Variants in PRKD1 observed in about 807,000 individuals in gnomAD.
PRKD1 encodes the protein serine/threonine-protein kinase D1.
In PRKD1, 63 loss-of-function variants were observed where a neutral mutation model predicts 95.9. The observed-to-expected ratio is 0.66, with a 90% CI of 0.54 to 0.81. The LOEUF (loss-of-function observed/expected upper bound fraction) is 0.81. Ranked by LOEUF, PRKD1 falls within the 30% of genes least tolerant of loss-of-function variation. The pLI is 0.00. For missense variants in PRKD1, 1,048 were observed against 1,165.3 expected (o/e 0.90, Z 1.47); for synonymous variants, 425 against 423.1 (o/e 1.00, Z -0.05).
At chr14:29,826,804 CATATATATACACATATATATATAT>C (rs1891189100) in intron 1 of PRKD1, among the ~76,000 whole-genome samples, 2 of 33,510 alleles carry the variant, frequency 6.0e-5, no homozygotes, top group African/African-American at 1.1e-4. Context: ...TATATATACA[CATATATATACACATATATATATAT>C]ATATATATAT....
At chr14:29,786,454 T>C (rs1233550982) in intron 1 of PRKD1, among the ~76,000 whole-genome samples, 3 of 152,184 alleles carry the variant, frequency 2.0e-5, no homozygotes, top group African/African-American at 7.2e-5. Flanking sequence ...ACTTCAGCAG[T>C]AAAGCCATCA....
At chr14:29,671,159 A>C (rs1228155957) in intron 2 of PRKD1, among the ~76,000 whole-genome samples, 4 of 151,932 alleles carry the variant, frequency 2.6e-5, no homozygotes, top group Non-Finnish European at 5.9e-5. Flanking sequence ...GTTAGAGATT[A>C]AAAAAAATAT....
intron 1 of PRKD1, among the ~76,000 whole-genome samples, chr14:29,907,892 GT>G (rs1402159981): frequency 1.3e-5 from 2 of 152,118 alleles, no homozygotes; most frequent in Non-Finnish European, 2.9e-5. Flanking sequence ...TTTCCAAACT[GT>G]TTTTAAAAGA....
At chr14:29,767,758 G>C (rs1181840984) in intron 1 of PRKD1, among the ~76,000 whole-genome samples, 1 of 152,110 alleles carries the variant, frequency 6.6e-6, no homozygotes, top group Non-Finnish European at 1.5e-5. Flanking sequence ...AAACACCTCA[G>C]AATCTCTCTC....
Position 29,913,186 on chromosome 14 carries a change from T to C in PRKD1, c.264+14063A>G, listed in dbSNP as rs77227832. 9.2e-3 allele frequency among the ~76,000 whole-genome samples: 1,402 copies of C among 152,324 alleles called. 12 individuals carry two copies. Among genetic ancestry groups the C allele is most frequent in the African/African-American group, 0.032 (1,349 of 41,568 alleles). On this transcript the variant is annotated intron_variant, in intron 1 of 17. Transcript: ENST00000331968. ...CCTAAGTAGGGTGTTTGTTTTTGTT[T>C]TTAGCTTAAACCATTTAGAAGAGTT...
At chr14:29,780,967 G>T (rs1282595282) in intron 1 of PRKD1, among the ~76,000 whole-genome samples, 1 of 151,990 alleles carries the variant, frequency 6.6e-6, no homozygotes, top group Non-Finnish European at 1.5e-5. Context: ...CCATAAAAAA[G>T]GATGAGTTCA....
intron 10 of PRKD1, among the ~76,000 whole-genome samples, chr14:29,629,548 A>G (rs1283364174): frequency 3.9e-5 from 6 of 152,334 alleles, no homozygotes; most frequent in Middle Eastern, 3.4e-3. Context: ...TTCGTTGTAG[A>G]GATAAATTAA....
intron 2 of PRKD1, among the ~76,000 whole-genome samples, chr14:29,710,552 G>T (rs747633723): frequency 1.9e-4 from 29 of 152,082 alleles, no homozygotes; most frequent in African/African-American, 6.5e-4. Context: ...GAAAGTCTGA[G>T]AAACCGTCAC....
At chr14:29,650,947 T>C (rs1881454321) in intron 4 of PRKD1, among the ~76,000 whole-genome samples, 1 of 152,238 alleles carries the variant, frequency 6.6e-6, no homozygotes, top group Non-Finnish European at 1.5e-5. Context: ...GGTTCACCAA[T>C]GCCTATTACA....
intron 1 of PRKD1, among the ~76,000 whole-genome samples, chr14:29,775,120 A>G (rs1307889073): frequency 6.6e-6 from 1 of 152,188 alleles, no homozygotes; most frequent in African/African-American, 2.4e-5. Flanking sequence ...ATGAAAAAAA[A>G]AATGAACTTA....
At chr14:29,814,206 T>A (rs1193764252) in intron 1 of PRKD1, among the ~76,000 whole-genome samples, 1 of 152,218 alleles carries the variant, frequency 6.6e-6, no homozygotes, top group Non-Finnish European at 1.5e-5. Context: ...GTTATTTTGC[T>A]CACGACCTCA....
Position 29,848,295 on chromosome 14 carries a change from ACT to A in PRKD1, c.264+78952_264+78953del, listed in dbSNP as rs554891028. On this transcript the variant is annotated intron_variant, in intron 1 of 17. Coordinates refer to ENST00000331968, the MANE Select transcript of PRKD1 (RefSeq NM_002742.3). The stretch of plus-strand genomic sequence containing the variant: ...GATGGCCATTATTGCACCTCTCCCC[ACT>A]CTCTCAAAACCCTTTCCATCAAGCT... Among the ~76,000 whole-genome samples the A allele has an allele frequency of 8.2e-3, 1,236 of 151,650 alleles. 11 individuals carry two copies. Among genetic ancestry groups the A allele is most frequent in the Non-Finnish European group, 0.014 (924 of 67,912 alleles).
intron 2 of PRKD1, among the ~76,000 whole-genome samples, chr14:29,699,259 C>T (rs1037577121): frequency 3.9e-5 from 6 of 152,146 alleles, no homozygotes; most frequent in Non-Finnish European, 5.9e-5. Context: ...AAGAGCTTTA[C>T]CAATTTACCT....
chr14:29,628,186 A>G (rs2139102676), intron 11 of PRKD1, among the ~76,000 whole-genome samples: 1 of 152,340 alleles, frequency 6.6e-6, no homozygotes, highest in South Asian at 2.1e-4. Flanking sequence ...TCTCAAATTC[A>G]TATTTGGCTG....
intron 4 of PRKD1, among the ~76,000 whole-genome samples, chr14:29,653,073 C>T (rs926681493): frequency 8.5e-5 from 13 of 152,114 alleles, no homozygotes; most frequent in Non-Finnish European, 1.5e-4. Flanking sequence ...CAGCCTAGAG[C>T]TCATTTTAGT....
At chr14:29,882,096 C>T (rs1893534429) in intron 1 of PRKD1, among the ~76,000 whole-genome samples, 1 of 148,932 alleles carries the variant, frequency 6.7e-6, no homozygotes, top group Admixed American at 6.7e-5. Flanking sequence ...ATCCCTGACA[C>T]AACAGTAAGC....
intron 1 of PRKD1, among the ~76,000 whole-genome samples, chr14:29,874,695 A>T (rs1257376930): frequency 6.6e-6 from 1 of 152,214 alleles, no homozygotes; most frequent in Non-Finnish European, 1.5e-5. Context: ...AACAACATGG[A>T]CATAAACTAG....
At chr14:29,777,298 A>C (rs543368689) in intron 1 of PRKD1, among the ~76,000 whole-genome samples, 1 of 152,338 alleles carries the variant, frequency 6.6e-6, no homozygotes, top group African/African-American at 2.4e-5. Flanking sequence ...TAACAGTATT[A>C]ACCTTAAATG....
At chr14:29,900,130 T>C (rs1266800384) in intron 1 of PRKD1, among the ~76,000 whole-genome samples, 1 of 152,234 alleles carries the variant, frequency 6.6e-6, no homozygotes, top group Non-Finnish European at 1.5e-5. Context: ...TGGGTATTTA[T>C]AGCAGTGTGA....
Sources: allele counts gnomAD v4.1 joint callset (sites outside exome capture counted in the v4.1 genomes callset), GRCh38; gene constraint gnomAD v4.1.1; transcripts MANE v1.5; gene names NCBI Gene and HGNC (gene_info 2026-07-23, HGNC 2026-07-21).